Variants in RARB observed in about 807,000 individuals in gnomAD.
RARB encodes HBV-activated protein.
In RARB, 17 loss-of-function variants were observed where a neutral mutation model predicts 51.9. The ratio of observed to expected loss-of-function variants is 0.33; its 90% CI spans 0.22 to 0.49. RARB has a LOEUF of 0.49. Ranked by LOEUF, RARB falls within the 20% of genes least tolerant of loss-of-function variation. The pLI is 0.99. For missense variants in RARB, 369 were observed against 550.8 expected, an observed-to-expected ratio of 0.67 and a Z score of 3.30; for synonymous variants, 215 against 195.4, an observed-to-expected ratio of 1.10 and a Z score of -0.84.
chr3:25,075,688 A>C (rs1012979046), intron 3 of RARB, among the ~76,000 whole-genome samples: 6 of 145,120 alleles, frequency 4.1e-5, no homozygotes, highest in African/African-American at 1.3e-4. Flanking sequence ...AAAAAAAAAA[A>C]CCTGTAAAAG....
chr3:25,005,135 A>G (rs1697244313), intron 2 of RARB, among the ~76,000 whole-genome samples: 1 of 152,130 alleles, frequency 6.6e-6, no homozygotes, highest in African/African-American at 2.4e-5. Context: ...ACCACTTCTC[A>G]CTGCCTCTGT....
At chr3:25,295,678 G>C (rs946288556) in intron 5 of RARB, among the ~76,000 whole-genome samples, 4 of 152,108 alleles carry the variant, frequency 2.6e-5, no homozygotes, top group African/African-American at 9.7e-5. Context: ...AATTCTCCCA[G>C]GCCTAAGATT....
intron 5 of RARB, among the ~76,000 whole-genome samples, chr3:25,324,926 C>G (rs1372518231): frequency 1.3e-5 from 2 of 152,168 alleles, no homozygotes; most frequent in African/African-American, 4.8e-5. Flanking sequence ...ATCCAGACCT[C>G]AAGAGAGCGT....
At chr3:24,985,311 T>C (rs1025110093) in intron 2 of RARB, among the ~76,000 whole-genome samples, 10 of 152,106 alleles carry the variant, frequency 6.6e-5, no homozygotes, top group African/African-American at 2.4e-4. Context: ...CTTACACTGC[T>C]TCCATCACTG....
intron 5 of RARB, among the ~76,000 whole-genome samples, chr3:25,327,368 A>C (rs947358494): frequency 1.1e-4 from 17 of 152,340 alleles, no homozygotes; most frequent in South Asian, 1.0e-3. Context: ...TCAAAATAAT[A>C]GATCCAAAAA....
intron 5 of RARB, among the ~76,000 whole-genome samples, chr3:25,204,191 T>C (rs1244913616): frequency 6.6e-6 from 1 of 152,222 alleles, no homozygotes; most frequent in Non-Finnish European, 1.5e-5. Context: ...TCTTCAATCA[T>C]TGATACCCTT....
intron 5 of RARB, among the ~76,000 whole-genome samples, chr3:25,583,511 G>A (rs76309690): frequency 0.016 from 2,450 of 152,302 alleles, 55 homozygotes; most frequent in African/African-American, 0.055. Context: ...CCAACTGCAC[G>A]CCTGCCAGGG....
chr3:25,511,013 A>G (rs1697865731), intron 3 of RARB, among the ~76,000 whole-genome samples: 1 of 152,222 alleles, frequency 6.6e-6, no homozygotes. Flanking sequence ...GTTTTTTTGC[A>G]ACTACTCAAC....
At chr3:25,334,486 A>G (rs1705003577) in intron 5 of RARB, among the ~76,000 whole-genome samples, 3 of 152,256 alleles carry the variant, frequency 2.0e-5, no homozygotes, top group Admixed American at 2.0e-4. Flanking sequence ...TAATGAGAAC[A>G]CTTGGACACA....
chr3:25,564,184 A>G (rs1022827614), intron 3 of RARB, among the ~76,000 whole-genome samples: 3 of 152,214 alleles, frequency 2.0e-5, no homozygotes, highest in African/African-American at 4.8e-5. Flanking sequence ...TTTCATATTC[A>G]TAGGTCGAGA....
At chr3:24,989,379 T>G (rs1307784170) in intron 2 of RARB, among the ~76,000 whole-genome samples, 1 of 152,140 alleles carries the variant, frequency 6.6e-6, no homozygotes, top group Admixed American at 6.5e-5. Context: ...AAGTAGGAAT[T>G]GTTGTTACGT....
chr3:25,182,001 T>C (rs997094411), intron 5 of RARB, among the ~76,000 whole-genome samples: 1 of 152,230 alleles, frequency 6.6e-6, no homozygotes, highest in East Asian at 1.9e-4. Flanking sequence ...ACCATTACTT[T>C]ATTAAAAATT....
At chr3:25,302,462 T>A (rs1010394371) in intron 5 of RARB, among the ~76,000 whole-genome samples, 6 of 152,240 alleles carry the variant, frequency 3.9e-5, no homozygotes, top group Admixed American at 2.0e-4. Flanking sequence ...TGTTACAACA[T>A]GGATAAACCC....
At chr3:25,168,129 A>T (rs1440636349) in intron 4 of RARB, among the ~76,000 whole-genome samples, 4 of 152,244 alleles carry the variant, frequency 2.6e-5, no homozygotes, top group Admixed American at 2.6e-4. Context: ...ATCTAATGTT[A>T]ATGGAAATAA....
At chr3:25,341,899 C>G (rs1038336810) in intron 5 of RARB, among the ~76,000 whole-genome samples, 1 of 151,504 alleles carries the variant, frequency 6.6e-6, no homozygotes, top group Non-Finnish European at 1.5e-5. Flanking sequence ...CCTGTAATAT[C>G]CTCATTTTAC....
At chr3:25,578,209 A>G (rs886980183) in intron 4 of RARB, among the ~76,000 whole-genome samples, 7 of 152,236 alleles carry the variant, frequency 4.6e-5, no homozygotes, top group African/African-American at 1.7e-4. Context: ...CCGCAGCTGG[A>G]AGATAATATA....
intron 3 of RARB, among the ~76,000 whole-genome samples, chr3:25,085,570 T>A (rs1369963404): frequency 6.6e-6 from 1 of 152,120 alleles, no homozygotes; most frequent in Non-Finnish European, 1.5e-5. Flanking sequence ...CTTTATACCA[T>A]ATCCAATTCA....
chr3:25,252,307 T>C (rs1702744182), intron 5 of RARB, among the ~76,000 whole-genome samples: 2 of 152,202 alleles, frequency 1.3e-5, no homozygotes, highest in Admixed American at 1.3e-4. Flanking sequence ...GTTCTTCTTT[T>C]TGAAGATTGT....
At chr3:24,877,148 A>G (rs1703062406) in intron 2 of RARB, among the ~76,000 whole-genome samples, 2 of 152,064 alleles carry the variant, frequency 1.3e-5, no homozygotes, top group Admixed American at 1.3e-4. Flanking sequence ...ATATATCTAT[A>G]TATCTTTTGA....
Sources: gnomAD v4.1 joint callset for allele counts (sites outside exome capture counted in the v4.1 genomes callset) on GRCh38, gnomAD v4.1.1 for gene constraint, MANE v1.5 for transcripts, NCBI Gene and HGNC (gene_info 2026-07-23, HGNC 2026-07-21) for gene names.